Variants in KLC4 observed in about 807,000 individuals in gnomAD.
KLC4 encodes the protein kinesin light chain 4.
In KLC4, 49 loss-of-function variants were observed where a neutral mutation model predicts 77.2. That is an observed-to-expected ratio of 0.63 (90% confidence interval 0.50 to 0.80). KLC4 has a LOEUF of 0.80. Ranked by LOEUF, KLC4 falls within the 30% of genes least tolerant of loss-of-function variation. The pLI is 0.00. For synonymous variants in KLC4, 274 were observed against 314.5 expected, an observed-to-expected ratio of 0.87 and a Z score of 1.36; for missense variants, 669 against 793.5, an observed-to-expected ratio of 0.84 and a Z score of 1.89.
chr6:43,071,472 ACC>A, intron 9 of KLC4, 93 bp from the exon 10 acceptor site: 1 of 1,541,944 alleles, frequency 6.5e-7, no homozygotes, highest in Non-Finnish European at 9.0e-7. Flanking sequence ...GGGGAGCCAG[ACC>A]CCTTCAGTCC....
At chr6:43,069,950 T>A (rs1765635879) in intron 6 of KLC4, among the ~76,000 whole-genome samples, 1 of 152,198 alleles carries the variant, frequency 6.6e-6, no homozygotes, top group African/African-American at 2.4e-5. Flanking sequence ...CCTGTCTTGA[T>A]ATCCCATCAA....
At chr6:43,070,913 CAGAGGTG>C in intron 8 of KLC4, 48 bp downstream of exon 8, 1 of 939,216 alleles carries the variant, frequency 1.1e-6, no homozygotes, top group Non-Finnish European at 1.3e-6. Context: ...GAGGGGGGCA[CAGAGGTG>C]GGGGGAGGGG....
At position 43,065,660 on chromosome 6, in the gene KLC4, A is replaced by G. The variant is rs752547687; in HGVS notation, c.530A>G (p.Asp177Gly). 2 of 1,613,862 alleles carry G rather than the reference A, an allele frequency of 1.2e-6. No individual in the cohort carries two copies. The highest frequency in any genetic ancestry group is 1.1e-5 in the South Asian group (1 of 91,076). ...GATGCCACCAAGGATTCCCTGGATG[A>G]CCTCTTTCCTAATGAGGAGGAAGAG... ...EGDATKDSLD[D>G]LFPNEEEEDP... is the part of the protein sequence containing the mutation. The change falls in exon 4 of 16, where the codon GAC (aspartate) becomes GGC (glycine). Residue 177 changes from aspartate (D) to glycine (G), a missense_variant. By Grantham distance (94) the Asp-to-Gly change is moderately conservative. Transcript: ENST00000347162.
chr6:43,060,127 C>T, intron 1 of KLC4: 3 of 1,587,296 alleles, frequency 1.9e-6, no homozygotes, highest in Non-Finnish European at 1.7e-6. Context: ...CCATTCTTTC[C>T]TGCATCATCG....
chr6:43,074,915 G>T lies in KLC4; in HGVS notation c.*243G>T. The T allele has an allele frequency of 5.5e-6, 3 of 543,252 alleles. No individual in the cohort carries two copies. In the South Asian group the frequency reaches 6.4e-5, roughly 12 times the overall value. 33.7% of individuals were successfully genotyped at this position (543,252 alleles called of 1,614,324 possible). On this transcript the variant is annotated 3_prime_UTR_variant, in exon 16 of 16. Transcript: ENST00000347162. ...AGAGTAGCTAGCTCTGAGGCCCCAA[G>T]GTGGGTACAAAGCAGGTATGGCCCT... is the stretch of plus-strand genomic sequence containing the variant.
In KLC4 at chr6:43,065,534, CTG is replaced by C. The variant is rs569547339; in HGVS notation, c.490-83_490-82del. ...CAGTCTTCTCCTAGGTCCCATCTGTCTGTGATTTCATGGCTTAGAGGGGTCAC... is the reference window on the plus strand; with the variant it reads ...CAGTCTTCTCCTAGGTCCCATCTGTCTGATTTCATGGCTTAGAGGGGTCAC... On this transcript the variant is annotated intron_variant, in intron 3 of 15. Transcript: ENST00000347162. 6.6e-5 allele frequency: 58 copies of C among 880,128 alleles called. No individual in the cohort carries two copies. In the African/African-American group the frequency reaches 7.9e-4, roughly 12 times the overall value. 54.5% of individuals were successfully genotyped at this position (880,128 alleles called of 1,614,324 possible).
chr6:43,070,650 A>T (rs758734923), intron 7 of KLC4, 42 bp from the exon 8 acceptor site: 10 of 1,584,806 alleles, frequency 6.3e-6, no homozygotes, highest in Non-Finnish European at 8.6e-6. Flanking sequence ...GTGCACACAC[A>T]TGTTATCATA....
chr6:43,060,400 G>A (rs1044478449), intron 1 of KLC4: 1 of 1,519,488 alleles, frequency 6.6e-7, no homozygotes, highest in East Asian at 2.5e-5. Context: ...GAAGACCTGT[G>A]GGCAGAGGGA....
intron 6 of KLC4, among the ~76,000 whole-genome samples, chr6:43,067,860 C>T (rs1765519451): frequency 8.1e-6 from 1 of 123,102 alleles, no homozygotes; most frequent in Non-Finnish European, 1.6e-5. Flanking sequence ...CGCCTGTAAT[C>T]CCAGCACTTT....
At chr6:43,065,837 G>A (rs1765395924) in intron 4 of KLC4, 136 bp downstream of exon 4, 2 of 639,330 alleles carry the variant, frequency 3.1e-6, no homozygotes, top group African/African-American at 3.6e-5. Flanking sequence ...GCAGGGGCTG[G>A]GCTAGTACTT....
In KLC4 at chr6:43,072,539, G is replaced by A. The variant is rs1242953168; in HGVS notation, c.1488+284G>A. Among the ~76,000 whole-genome samples the A allele has an allele frequency of 1.3e-5, 2 of 152,208 alleles. No individual in the cohort carries two copies. Among genetic ancestry groups the A allele is most frequent in the African/African-American group, 4.8e-5 (2 of 41,456 alleles). On this transcript the variant is annotated intron_variant, in intron 12 of 15. Transcript: ENST00000347162. ...GGGACCTGGGTGGTATGGGTGAGAG[G>A]AGTGAGGTTGGGGAGAGCCTAAATC... is the stretch of plus-strand genomic sequence containing the variant.
chr6:43,070,885 G>GT lies in KLC4; in HGVS notation c.1155+21dup, dbSNP rs779124313. The GT allele has an allele frequency of 1.6e-4, 188 of 1,208,746 alleles. 1 individual carries two copies. In the South Asian group the frequency reaches 2.2e-3, roughly 14 times the overall value. 74.9% of individuals were successfully genotyped at this position (1,208,746 alleles called of 1,614,324 possible). Reference sequence around the variant, plus strand: ...AACCTGGTATGGGAGGAGGGACAAAGTAGGTGGAAGAAACGGAGAGGGGGG... The same window carrying GT: ...AACCTGGTATGGGAGGAGGGACAAAGTTAGGTGGAAGAAACGGAGAGGGGGG... On this transcript the variant is annotated intron_variant, in intron 8 of 15. Transcript: ENST00000347162.
At chr6:43,073,692 T>G (rs529035687) in intron 14 of KLC4, 9 of 563,668 alleles carry the variant, frequency 1.6e-5, no homozygotes, top group African/African-American at 9.8e-5. Context: ...AGCAGGCAAG[T>G]AAAGTAAGCC....
chr6:43,063,172 C>T (rs1265586568), intron 3 of KLC4, 25 bp downstream of exon 3: 3 of 1,571,876 alleles, frequency 1.9e-6, no homozygotes, highest in Non-Finnish European at 1.7e-6. Context: ...GCGAGACTGG[C>T]TGAGGGGTGG....
At position 43,071,268 on chromosome 6, in the gene KLC4, C is replaced by T. The variant is rs1421335366; in HGVS notation, c.1156-7C>T. On this transcript the variant is annotated splice_polypyrimidine_tract_variant and splice_region_variant and intron_variant, in intron 8 of 15. Coordinates refer to ENST00000347162, the MANE Select transcript of KLC4 (RefSeq NM_201521.3). ...TGTTCCTGTATTTTTGCCTTTCTGT[C>T]CTCCAGGCTTCCTGTTACCTGAAAC... The T allele has an allele frequency of 6.3e-7, 1 of 1,599,956 alleles. No individual in the cohort carries two copies. The highest frequency in any genetic ancestry group is 8.6e-7 in the Non-Finnish European group (1 of 1,167,720).
intron 3 of KLC4, among the ~76,000 whole-genome samples, chr6:43,065,077 T>C (rs1765346210): frequency 1.3e-5 from 2 of 148,212 alleles, no homozygotes; most frequent in African/African-American, 5.0e-5. Context: ...TTTTTTTTTC[T>C]TTTTTTTTTG....
intron 6 of KLC4, among the ~76,000 whole-genome samples, chr6:43,069,373 T>C (rs1307639817): frequency 2.6e-5 from 4 of 152,064 alleles, no homozygotes; most frequent in Non-Finnish European, 5.9e-5. Flanking sequence ...GCCTCCCAAG[T>C]AGCTGGGATT....
At position 43,073,346 on chromosome 6, in the gene KLC4, T is replaced by G. The variant is rs1243745199; in HGVS notation, c.1745+8T>G. The stretch of plus-strand genomic sequence containing the variant: ...TGAGCCTCGGCCCTCCAGGTATACA[T>G]GGAAGTCAAGATACAGTAAAGTGGC... On this transcript the variant is annotated splice_region_variant and intron_variant, in intron 14 of 15. Transcript: ENST00000347162. The G allele has an allele frequency of 6.2e-7, 1 of 1,600,154 alleles. No homozygotes were observed. Among genetic ancestry groups the G allele is most frequent in the Admixed American group, 1.7e-5 (1 of 59,838 alleles).
chr6:43,074,847 G>A lies in KLC4; in HGVS notation c.*175G>A. 1.6e-6 allele frequency: 1 copy of A among 632,416 alleles called. No individual in the cohort carries two copies. Among genetic ancestry groups the A allele is most frequent in the Non-Finnish European group, 2.9e-6 (1 of 350,038 alleles). 39.2% of individuals were successfully genotyped at this position (632,416 alleles called of 1,614,324 possible). ...GCTCCCTCCTCAGGAATCCCTCTTA[G>A]GAAGGACCCTCAGGACACCCTCTCT... On this transcript the variant is annotated 3_prime_UTR_variant, in exon 16 of 16. Coordinates refer to ENST00000347162, the MANE Select transcript of KLC4 (RefSeq NM_201521.3).
Sources: gnomAD v4.1 joint callset for allele counts (sites outside exome capture counted in the v4.1 genomes callset) on GRCh38, gnomAD v4.1.1 for gene constraint, MANE v1.5 for transcripts, NCBI Gene and HGNC (gene_info 2026-07-23, HGNC 2026-07-21) for gene names.